The following WDR87 variants were observed in gnomAD, a reference collection of about 807,000 sequenced individuals.
WDR87 encodes WD repeat domain 87.
In WDR87, 56 loss-of-function variants were observed where a neutral mutation model predicts 83.3. The ratio of observed to expected loss-of-function variants is 0.67; its 90% CI spans 0.54 to 0.84. The LOEUF (loss-of-function observed/expected upper bound fraction) is 0.84, where lower values mean the gene tolerates loss of function less well. Ranked by LOEUF, WDR87 falls within the 40% of genes least tolerant of loss-of-function variation. The pLI, the probability that WDR87 is intolerant of heterozygous loss-of-function variation, is 0.00. For synonymous variants in WDR87, 1,173 were observed against 1,250.6 expected, an observed-to-expected ratio of 0.94 and a Z score of 1.31; for missense variants, 2,939 against 3,431.9, an observed-to-expected ratio of 0.86 and a Z score of 3.59.
In WDR87 at chr19:37,889,759, T is replaced by C; in HGVS notation, c.3912A>G (p.Leu1304=). 1 of 1,551,746 alleles carries C rather than the reference T, an allele frequency of 6.4e-7. No homozygotes were observed. The highest frequency in any genetic ancestry group is 8.7e-7 in the Non-Finnish European group (1 of 1,147,010). The part of the protein sequence containing the change: ...SGSQTKMSEN[L]NAELVTFAQE... Reference sequence around the variant, plus strand: ...GAGCAAATGTCACTAGCTCAGCGTTTAGGTTTTCTGACATTTTTGTTTGGG... The same window carrying C: ...GAGCAAATGTCACTAGCTCAGCGTTCAGGTTTTCTGACATTTTTGTTTGGG... The change falls in exon 6 of 6, where the codon CTA becomes CTG. Residue 1304 remains leucine (L), a synonymous_variant. Coordinates refer to ENST00000447313, the MANE Select transcript of WDR87 (RefSeq NM_001291088.2).
Position 37,894,098 on chromosome 19 carries a change from G to A in WDR87, c.1605C>T (p.His535=). ...CCCCATCAAGCACAGCTTCTGACAGGTGCACATAGTCATCCATTCCATAGG... is the reference window on the plus strand; with the variant it reads ...CCCCATCAAGCACAGCTTCTGACAGATGCACATAGTCATCCATTCCATAGG... ...LCSYGMDDYV[H]LSEAVLDGVK... is the part of the protein sequence containing the mutation. Residue 535 remains histidine (H), a synonymous_variant, in exon 4 of 6, where the codon CAC becomes CAT. Coordinates refer to ENST00000447313, the MANE Select transcript of WDR87 (RefSeq NM_001291088.2). The A allele has an allele frequency of 1.3e-6, 2 of 1,552,292 alleles. No homozygotes were observed. The highest frequency in any genetic ancestry group is 2.4e-5 in the East Asian group (1 of 40,922).
Position 37,894,821 on chromosome 19 carries a change from C to T in WDR87, c.882G>A (p.Glu294=). The T allele has an allele frequency of 6.4e-7, 1 of 1,551,736 alleles. No homozygotes were observed. Among genetic ancestry groups the T allele is most frequent in the Non-Finnish European group, 8.7e-7 (1 of 1,147,018 alleles). The stretch of plus-strand genomic sequence containing the variant: ...TACCAGCTGTTAGCAGGGTGTGGGC[C>T]TCTGGTCGGCTGCGGATACAGATCA... ...SGVICIRSRP[E]AHTLLTAGSD... is the part of the protein sequence containing the mutation. The change falls in exon 4 of 6, where the codon GAG becomes GAA. Residue 294 remains glutamate, a synonymous_variant. Coordinates refer to ENST00000447313, the MANE Select transcript of WDR87 (RefSeq NM_001291088.2).
intron 5 of WDR87, among the ~76,000 whole-genome samples, chr19:37,890,679 A>T (rs1466901370): frequency 6.6e-6 from 1 of 151,956 alleles, no homozygotes; most frequent in East Asian, 1.9e-4. Context: ...ATCCCCCTAA[A>T]TTCCCTCCTA....
Position 37,886,163 on chromosome 19 carries a change from G to A in WDR87, c.7508C>T (p.Thr2503Ile). Reference sequence around the variant, plus strand: ...CCTTAATATGTGGGACATAAATGGGGTCTTTAAGTCCTGTGCTTGGGACTC... The same window carrying A: ...CCTTAATATGTGGGACATAAATGGGATCTTTAAGTCCTGTGCTTGGGACTC... Reference protein sequence around the residue: ...VLESQAQDLKTPFMSHILRRT... With the variant: ...VLESQAQDLKIPFMSHILRRT... Residue 2503 changes from threonine to isoleucine, a missense_variant, in exon 6 of 6, where the codon ACC becomes ATC. This residue lies in a region of WDR87 where 2,160 missense variants were observed against 2,533.1 expected (regional missense o/e 0.85). Transcript: ENST00000447313. 2 of 1,551,696 alleles carry A rather than the reference G, an allele frequency of 1.3e-6. No individual in the cohort carries two copies. Among genetic ancestry groups the A allele is most frequent in the Non-Finnish European group, 1.7e-6 (2 of 1,146,992 alleles).
chr19:37,898,553 T>C (rs1238085017), intron 1 of WDR87, among the ~76,000 whole-genome samples: 2 of 152,036 alleles, frequency 1.3e-5, no homozygotes. Flanking sequence ...CATATATGGG[T>C]GAGAGAACCA....
Position 37,895,197 on chromosome 19 carries a change from A to G in WDR87, c.506T>C (p.Leu169Pro). The change falls in exon 4 of 6, where the codon CTG (leucine) becomes CCG (proline). Residue 169 changes from leucine (L) to proline (P), a missense_variant. Coordinates refer to ENST00000447313, the MANE Select transcript of WDR87 (RefSeq NM_001291088.2). ...AATGACCCAGGTCACCACTGCCCCC[A>G]GGATGCCAGACAGAAGCATCTTCAT... ...PEMKMLLSGI[L>P]GAVVTWVIEL... 6.4e-7 allele frequency: 1 copy of G among 1,551,712 alleles called. No individual in the cohort carries two copies. Among genetic ancestry groups the G allele is most frequent in the Non-Finnish European group, 8.7e-7 (1 of 1,146,996 alleles).
chr19:37,899,425 AAAAAAAAAAAAGGAAAAAAAAAG>A (rs1388713930), intron 1 of WDR87, among the ~76,000 whole-genome samples: 1 of 150,028 alleles, frequency 6.7e-6, no homozygotes, highest in African/African-American at 2.4e-5. Context: ...TCAAAAAAAA[AAAAAAAAAAAAGGAAAAAAAAAG>A]AAAAAAAAGA....
In WDR87 at chr19:37,894,262, G is replaced by A. The variant is rs1321917109; in HGVS notation, c.1441C>T (p.His481Tyr). 1.3e-6 allele frequency: 2 copies of A among 1,551,650 alleles called. No homozygotes were observed. Among genetic ancestry groups the A allele is most frequent in the African/African-American group, 1.4e-5 (1 of 73,042 alleles). Residue 481 changes from histidine (H) to tyrosine (Y), a missense_variant, in exon 4 of 6, where the codon CAC (histidine) becomes TAC (tyrosine). By Grantham distance (83) the His-to-Tyr change is moderately conservative. This residue lies in a region of WDR87 where 553 missense variants were observed against 577.9 expected (regional missense o/e 0.96). Coordinates refer to ENST00000447313, the MANE Select transcript of WDR87 (RefSeq NM_001291088.2). ...RGLEGLIFSG[H>Y]QSGVIRVLSQ... ...AGCACTCTTATCACACCACTCTGGTGCCCAGAGAATATCAGTCCCTCTAGA... is the reference window on the plus strand; with the variant it reads ...AGCACTCTTATCACACCACTCTGGTACCCAGAGAATATCAGTCCCTCTAGA...
Position 37,894,435 on chromosome 19 carries a change from T to G in WDR87, c.1268A>C (p.Glu423Ala), listed in dbSNP as rs2046235757. The change falls in exon 4 of 6, where the codon GAG becomes GCG. Residue 423 changes from glutamate (E) to alanine (A), a missense_variant. Glu to Ala is a moderately radical substitution (Grantham distance 107). Coordinates refer to ENST00000447313, the MANE Select transcript of WDR87 (RefSeq NM_001291088.2). Reference sequence around the variant, plus strand: ...TGAGCTGCCTGTTGCTACAAAGAGCTCCTCTTTACCTGGGTCGTAGGCCCA... The same window carrying G: ...TGAGCTGCCTGTTGCTACAAAGAGCGCCTCTTTACCTGGGTCGTAGGCCCA... Reference protein sequence around the residue: ...VDWAYDPGKEELFVATGSSEV... With the variant: ...VDWAYDPGKEALFVATGSSEV... 1.9e-6 allele frequency: 3 copies of G among 1,551,538 alleles called. No homozygotes were observed. The highest frequency in any genetic ancestry group is 1.7e-4 in the Middle Eastern group (1 of 6,014).
chr19:37,889,139 C>T lies in WDR87; in HGVS notation c.4532G>A (p.Gly1511Asp), dbSNP rs752282175. The change falls in exon 6 of 6, where the codon GGT (glycine) becomes GAT (aspartate). Residue 1511 changes from glycine to aspartate, a missense_variant. Gly to Asp is a moderately conservative substitution (Grantham distance 94). Transcript: ENST00000447313. ...TGCCTTCCAGGATTTCCTTGTCTCACCATGGACCTGTTTCCACTCATCCCA... is the reference window on the plus strand; with the variant it reads ...TGCCTTCCAGGATTTCCTTGTCTCATCATGGACCTGTTTCCACTCATCCCA... ...KAWDEWKQVHGETRKSWKAWK... is the reference protein window; with the variant it reads ...KAWDEWKQVHDETRKSWKAWK... 24 of 1,552,220 alleles carry T rather than the reference C, an allele frequency of 1.5e-5. No homozygotes were observed. The East Asian group carries it at 5.1e-4, about 33-fold the overall frequency.
chr19:37,886,119 C>G lies in WDR87; in HGVS notation c.7552G>C (p.Glu2518Gln). ...GCACCTAGTGGTTTGTGTTGGAGTT[C>G]CTCAGCTTCCACGGTCCTCCTTAAT... ...HILRRTVEAE[E>Q]LQHKPLGAWW... The change falls in exon 6 of 6, where the codon GAA (glutamate) becomes CAA (glutamine). Residue 2518 changes from glutamate (E) to glutamine (Q), a missense_variant. By Grantham distance (29) the Glu-to-Gln change is conservative (BLOSUM62 2). Coordinates refer to ENST00000447313, the MANE Select transcript of WDR87 (RefSeq NM_001291088.2). 6.4e-7 allele frequency: 1 copy of G among 1,551,760 alleles called. No individual in the cohort carries two copies. The highest frequency in any genetic ancestry group is 2.4e-5 in the East Asian group (1 of 40,926).
chr19:37,898,328 C>G, intron 1 of WDR87, 43 bp from the exon 2 acceptor site: 3 of 1,500,850 alleles, frequency 2.0e-6, no homozygotes, highest in Non-Finnish European at 1.8e-6. Context: ...CTGCCATTTT[C>G]CGAGAAGCTA....
chr19:37,891,178 T>TC (rs2046201744), intron 5 of WDR87, among the ~76,000 whole-genome samples: 1 of 151,428 alleles, frequency 6.6e-6, no homozygotes, highest in Non-Finnish European at 1.5e-5. Context: ...TTTTTTTTTT[T>TC]TTTGAGATGG....
Position 37,898,262 on chromosome 19 carries a change from T to C in WDR87, c.-23A>G, listed in dbSNP as rs1222836837. 1 of 1,549,796 alleles carries C rather than the reference T, an allele frequency of 6.5e-7. No homozygotes were observed. The highest frequency in any genetic ancestry group is 2.4e-5 in the East Asian group (1 of 40,910). On this transcript the variant is annotated 5_prime_UTR_variant, in exon 2 of 6. Transcript: ENST00000447313. ...CATCACCGTCAGACTCCCTTGGCCC[T>C]CCTGAGGACTGTTGCTTAAAAACCT... is the stretch of plus-strand genomic sequence containing the variant.
Position 37,893,866 on chromosome 19 carries a change from C to A in WDR87, c.1837G>T (p.Asp613Tyr). The change falls in exon 4 of 6, where the codon GAT (aspartate) becomes TAT (tyrosine). Residue 613 changes from aspartate (D) to tyrosine (Y), a missense_variant. Transcript: ENST00000447313. The stretch of plus-strand genomic sequence containing the variant: ...AAAAGACTCAAGGAGAGGCAGACAT[C>A]AAAGGATGTGATGGCACACAGGTGC... ...PLHLCAITSF[D>Y]VCLSLSLFVT... is the part of the protein sequence containing the mutation. 6.4e-7 allele frequency: 1 copy of A among 1,551,918 alleles called. No homozygotes were observed.
chr19:37,905,050 G>A (rs186711993), intron 1 of WDR87, among the ~76,000 whole-genome samples: 21 of 151,808 alleles, frequency 1.4e-4, no homozygotes, highest in Admixed American at 1.2e-3. Flanking sequence ...TGGCTAACAT[G>A]GTGAAACCCA....
In WDR87 at chr19:37,889,969, CT is replaced by C; in HGVS notation, c.3701del (p.Lys1234ArgfsTer8). On this transcript the variant is annotated frameshift_variant, in exon 6 of 6. Transcript: ENST00000447313. LOFTEE classifies it low-confidence loss of function (END_TRUNC). ...CATTTATAACTTTGGCTTCTTTTCC[CT>C]TCTTTTTGTGCTTCTTTTTGAGTTT... ...AQKLKKKHKK[K>X]GKEAKVINEE... is the part of the protein sequence containing the mutation. 1 of 1,551,648 alleles carries C rather than the reference CT, an allele frequency of 6.4e-7. No individual in the cohort carries two copies. The highest frequency in any genetic ancestry group is 8.7e-7 in the Non-Finnish European group (1 of 1,146,998).
intron 1 of WDR87, among the ~76,000 whole-genome samples, chr19:37,905,608 G>A (rs1599777606): frequency 6.6e-6 from 1 of 151,312 alleles, no homozygotes; most frequent in East Asian, 1.9e-4. Flanking sequence ...TGTCGCCCAA[G>A]CTGGAGGGCA....
At position 37,892,944 on chromosome 19, in the gene WDR87, CT is replaced by C; in HGVS notation, c.2758del (p.Ser920AlafsTer2). The C allele has an allele frequency of 1.3e-6, 2 of 1,552,052 alleles. No individual in the cohort carries two copies. The highest frequency in any genetic ancestry group is 1.7e-6 in the Non-Finnish European group (2 of 1,147,078). On this transcript the variant is annotated frameshift_variant, in exon 4 of 6. Transcript: ENST00000447313. LOFTEE classifies it high-confidence loss of function. ...AATATTGAGCATTGTCTCAATCATG[CT>C]ATTAATGGTTATTTCACTCATCTTT... is the stretch of plus-strand genomic sequence containing the variant. The part of the protein sequence containing the change: ...GRKMSEITIN[S>X]MIETMLNIMV...
Sources: gnomAD v4.1 joint callset for allele counts (sites outside exome capture counted in the v4.1 genomes callset) on GRCh38, gnomAD v4.1.1 for gene constraint, gnomAD v4.1.1 regional missense constraint, MANE v1.5 for transcripts, NCBI Gene and HGNC (gene_info 2026-07-23, HGNC 2026-07-21) for gene names.